The following TENM3 variants were observed in gnomAD, a reference collection of about 807,000 sequenced individuals.
TENM3 encodes teneurin-3.
A neutral mutation model predicts 255.1 loss-of-function variants in TENM3; 63 were observed. The observed-to-expected ratio is 0.25, with a 90% CI of 0.20 to 0.30. The LOEUF (loss-of-function observed/expected upper bound fraction) is 0.30, where lower values mean the gene tolerates loss of function less well. Ranked by LOEUF, TENM3 falls within the 10% of genes least tolerant of loss-of-function variation. The probability of loss-of-function intolerance (pLI) is 1.00; values close to 1 mark genes in which losing one functional copy is unlikely to be tolerated. For synonymous variants in TENM3, 1,306 were observed against 1,322.3 expected, an observed-to-expected ratio of 0.99 and a Z score of 0.27; for missense variants, 2,929 against 3,461.1, an observed-to-expected ratio of 0.85 and a Z score of 3.86.
the TENM3 span, among the ~76,000 whole-genome samples, chr4:181,451,315 C>T: frequency 6.6e-6 from 1 of 152,112 alleles, no homozygotes. Flanking sequence ...GAGAAAAAAA[C>T]AGGAAGAGAA....
upstream of TENM3, chr4:182,144,584 C>G (rs976002428): frequency 6.7e-6 from 1 of 149,040 alleles, no homozygotes; most frequent in Admixed American, 6.7e-5. Flanking sequence ...AACACTCGCG[C>G]CCCCTCCCCG....
At chr4:181,545,525 G>T in the TENM3 span, among the ~76,000 whole-genome samples, 1 of 152,152 alleles carries the variant, frequency 6.6e-6, no homozygotes, top group Non-Finnish European at 1.5e-5. Flanking sequence ...TTAAGTTAAG[G>T]ATAATAGTCG....
the TENM3 span, among the ~76,000 whole-genome samples, chr4:182,005,963 T>C: frequency 6.6e-6 from 1 of 152,156 alleles, no homozygotes; most frequent in Non-Finnish European, 1.5e-5. Context: ...TTCAAGTTTT[T>C]GGGCTGAGAC....
intron 3 of TENM3, among the ~76,000 whole-genome samples, chr4:182,447,798 G>A (rs937776119): frequency 1.3e-5 from 2 of 152,150 alleles, no homozygotes; most frequent in South Asian, 4.1e-4. Flanking sequence ...AAGCACCGGT[G>A]AATCTAAAAA....
chr4:181,539,995 AG>A, the TENM3 span, among the ~76,000 whole-genome samples: 1 of 152,196 alleles, frequency 6.6e-6, no homozygotes, highest in African/African-American at 2.4e-5. Flanking sequence ...AAGGAACCAA[AG>A]CTCCTGGGAG....
At chr4:182,486,301 A>C (rs2151547810) in intron 3 of TENM3, among the ~76,000 whole-genome samples, 1 of 57,010 alleles carries the variant, frequency 1.8e-5, no homozygotes, top group South Asian at 8.9e-4. Context: ...CTTAAGAAGT[A>C]TTTTAATTGT....
chr4:182,682,500 T>C (rs1206821673), intron 11 of TENM3, among the ~76,000 whole-genome samples: 1 of 152,230 alleles, frequency 6.6e-6, no homozygotes, highest in African/African-American at 2.4e-5. Flanking sequence ...ATGGTTATAA[T>C]AGAAATAAGA....
the TENM3 span, among the ~76,000 whole-genome samples, chr4:181,951,714 C>CA: frequency 6.6e-6 from 1 of 152,094 alleles, no homozygotes; most frequent in Non-Finnish European, 1.5e-5. Flanking sequence ...TCACTGTGGT[C>CA]AAAAAAGTAC....
At chr4:182,711,234 A>G (rs1758725870) in intron 12 of TENM3, among the ~76,000 whole-genome samples, 1 of 152,144 alleles carries the variant, frequency 6.6e-6, no homozygotes, top group South Asian at 2.1e-4. Flanking sequence ...AAATTTCCAA[A>G]GTTCTTTAAG....
At chr4:182,025,019 C>CT in the TENM3 span, among the ~76,000 whole-genome samples, 12 of 92,152 alleles carry the variant, frequency 1.3e-4, no homozygotes, top group East Asian at 3.8e-4. Flanking sequence ...GACAGGATTT[C>CT]ATTTTTTTTT....
intron 3 of TENM3, among the ~76,000 whole-genome samples, chr4:182,528,140 G>C (rs548049156): frequency 5.3e-5 from 8 of 152,012 alleles, no homozygotes; most frequent in African/African-American, 1.7e-4. Flanking sequence ...TATTTTTTGA[G>C]ACAGTCTCAC....
the TENM3 span, among the ~76,000 whole-genome samples, chr4:181,672,537 G>A: frequency 2.0e-5 from 3 of 152,092 alleles, no homozygotes; most frequent in East Asian, 1.9e-4. Context: ...AACCAAGATC[G>A]CATAGCTTAA....
chr4:181,808,872 C>T, the TENM3 span, among the ~76,000 whole-genome samples: 6 of 152,140 alleles, frequency 3.9e-5, no homozygotes, highest in Non-Finnish European at 7.3e-5. Flanking sequence ...CAGGACAATA[C>T]GTCCCATCAT....
At chr4:182,082,308 T>A in the TENM3 span, among the ~76,000 whole-genome samples, 1 of 152,058 alleles carries the variant, frequency 6.6e-6, no homozygotes, top group Admixed American at 6.6e-5. Context: ...GGGTACTAAT[T>A]CCATTCATGA....
the TENM3 span, among the ~76,000 whole-genome samples, chr4:181,496,786 G>A: frequency 2.0e-5 from 3 of 152,118 alleles, no homozygotes; most frequent in African/African-American, 7.2e-5. Context: ...TTCACAGTGT[G>A]TTACTGTTTT....
intron 1 of TENM3, among the ~76,000 whole-genome samples, chr4:182,178,600 A>T (rs1752660590): frequency 6.6e-6 from 1 of 152,150 alleles, no homozygotes; most frequent in African/African-American, 2.4e-5. Flanking sequence ...TCCCTTCTAA[A>T]TTTAATAACA....
the TENM3 span, among the ~76,000 whole-genome samples, chr4:181,737,036 T>C: frequency 6.6e-6 from 1 of 152,094 alleles, no homozygotes; most frequent in African/African-American, 2.4e-5. Context: ...CGATGTGAAT[T>C]TTCTGAAACA....
the TENM3 span, among the ~76,000 whole-genome samples, chr4:181,518,296 TG>T: frequency 5.9e-5 from 9 of 151,888 alleles, no homozygotes; most frequent in Admixed American, 2.0e-4. Context: ...TGTCAGCATG[TG>T]GGGTTTTTTT....
the TENM3 span, among the ~76,000 whole-genome samples, chr4:181,605,888 C>A: frequency 6.6e-6 from 1 of 152,096 alleles, no homozygotes; most frequent in African/African-American, 2.4e-5. Context: ...GATTTTTCCT[C>A]GGGGCAATTT....
Sources: gnomAD v4.1 joint callset for allele counts (sites outside exome capture counted in the v4.1 genomes callset) on GRCh38, gnomAD v4.1.1 for gene constraint, MANE v1.5 for transcripts, NCBI Gene and HGNC (gene_info 2026-07-23, HGNC 2026-07-21) for gene names.